The following ZNF385D variants were observed in gnomAD, a reference collection of about 807,000 sequenced individuals.
The protein encoded by ZNF385D is zinc finger protein 385D, also known as zinc finger protein 659.
A neutral mutation model predicts 35.8 loss-of-function variants in ZNF385D; 15 were observed. That is an observed-to-expected ratio of 0.42 (90% CI 0.28 to 0.64). The LOEUF (loss-of-function observed/expected upper bound fraction) is 0.64, where lower values mean the gene tolerates loss of function less well. ZNF385D is among the 30% of genes least tolerant of loss of function. The pLI is 0.23. For synonymous variants in ZNF385D, 212 were observed against 186.8 expected (o/e 1.13, Z -1.10); for missense variants, 474 against 494.6 (o/e 0.96, Z 0.39).
intron 2 of ZNF385D, among the ~76,000 whole-genome samples, chr3:22,347,395 A>G (rs1399187375): frequency 6.6e-6 from 1 of 152,194 alleles, no homozygotes; most frequent in African/African-American, 2.4e-5. Context: ...AACTGAAGTC[A>G]AAAGGTCTCT....
At chr3:22,133,491 C>T (rs766172171) in intron 3 of ZNF385D, 1 of 151,984 alleles carries the variant, frequency 6.6e-6, no homozygotes, top group African/African-American at 2.4e-5. Context: ...TGCTAGAATA[C>T]AGCATTATAA....
At chr3:22,017,026 T>A (rs1312518416) in intron 3 of ZNF385D, among the ~76,000 whole-genome samples, 1 of 152,090 alleles carries the variant, frequency 6.6e-6, no homozygotes, top group Non-Finnish European at 1.5e-5. Flanking sequence ...AATTTTTTAA[T>A]GTGCAGTAGT....
intron 3 of ZNF385D, among the ~76,000 whole-genome samples, chr3:22,158,993 G>C (rs1355284202): frequency 6.6e-6 from 1 of 152,016 alleles, no homozygotes; most frequent in Non-Finnish European, 1.5e-5. Flanking sequence ...AAGCAGAGGA[G>C]TGATTACTTT....
chr3:21,866,185 G>T (rs1697346760), intron 3 of ZNF385D, among the ~76,000 whole-genome samples: 1 of 151,994 alleles, frequency 6.6e-6, no homozygotes, highest in Non-Finnish European at 1.5e-5. Context: ...GGGCGCAGTG[G>T]CTCACGCCTA....
chr3:21,869,216 C>CT (rs2125843705), intron 3 of ZNF385D, among the ~76,000 whole-genome samples: 1 of 152,130 alleles, frequency 6.6e-6, no homozygotes, highest in African/African-American at 2.4e-5. Context: ...TCTTCCATGG[C>CT]TAATGTGTTG....
Position 21,717,750 on chromosome 3 carries a change from C to T in ZNF385D, c.22+33145G>A, listed in dbSNP as rs575617127. Reference sequence around the variant, plus strand: ...CCCTTTCACTTGGTTCTCATTCTCTCTTATCTGCCACCCTGTAAAACGTGC... The same window carrying T: ...CCCTTTCACTTGGTTCTCATTCTCTTTTATCTGCCACCCTGTAAAACGTGC... On this transcript the variant is annotated intron_variant, in intron 1 of 7. Coordinates refer to ENST00000281523, the MANE Select transcript of ZNF385D (RefSeq NM_024697.3). 2.6e-5 allele frequency among the ~76,000 whole-genome samples: 4 copies of T among 152,300 alleles called. No homozygotes were observed. The South Asian group carries it at 8.3e-4, about 32-fold the overall frequency.
chr3:21,561,060 C>T (rs764592870), intron 3 of ZNF385D, among the ~76,000 whole-genome samples: 6 of 152,188 alleles, frequency 3.9e-5, no homozygotes, highest in Non-Finnish European at 5.9e-5. Context: ...ATTTCAAGCC[C>T]GTGGATCTTA....
intron 3 of ZNF385D, among the ~76,000 whole-genome samples, chr3:22,031,405 A>G (rs779658260): frequency 3.3e-5 from 5 of 151,956 alleles, no homozygotes; most frequent in Admixed American, 3.3e-4. Flanking sequence ...GGTTCCCAAA[A>G]CCTCAGCTCT....
At chr3:22,045,152 G>C (rs998016016) in intron 3 of ZNF385D, among the ~76,000 whole-genome samples, 1 of 151,420 alleles carries the variant, frequency 6.6e-6, no homozygotes, top group African/African-American at 2.4e-5. Flanking sequence ...TGTGCCTTTT[G>C]GGTCATATTA....
chr3:22,088,285 T>A (rs992143897), intron 3 of ZNF385D, among the ~76,000 whole-genome samples: 6 of 152,148 alleles, frequency 3.9e-5, no homozygotes, highest in Non-Finnish European at 7.3e-5. Context: ...AAATATGTGA[T>A]AAAACATGAG....
At chr3:21,969,703 G>T (rs563216130) in intron 3 of ZNF385D, among the ~76,000 whole-genome samples, 1 of 151,930 alleles carries the variant, frequency 6.6e-6, no homozygotes, top group Non-Finnish European at 1.5e-5. Context: ...GGCTTTAAGT[G>T]AACACGGGCA....
At chr3:21,861,041 C>T (rs2125829755) in intron 3 of ZNF385D, among the ~76,000 whole-genome samples, 1 of 152,182 alleles carries the variant, frequency 6.6e-6, no homozygotes, top group Non-Finnish European at 1.5e-5. Flanking sequence ...AAATATACAG[C>T]ATAGAGCAGA....
chr3:21,893,576 C>G (rs1279113417), intron 3 of ZNF385D, among the ~76,000 whole-genome samples: 2 of 152,098 alleles, frequency 1.3e-5, no homozygotes, highest in Admixed American at 1.3e-4. Context: ...AATAATTTAG[C>G]TCATTGAATG....
chr3:22,137,124 G>A (rs1704182358), intron 3 of ZNF385D, among the ~76,000 whole-genome samples: 1 of 152,120 alleles, frequency 6.6e-6, no homozygotes, highest in South Asian at 2.1e-4. Flanking sequence ...TTGGGGAGCT[G>A]CGGTATATAA....
intron 2 of ZNF385D, among the ~76,000 whole-genome samples, chr3:22,248,247 G>A (rs913577954): frequency 6.6e-6 from 1 of 152,192 alleles, no homozygotes; most frequent in African/African-American, 2.4e-5. Context: ...AAGGCAGGTA[G>A]TGACCACATG....
chr3:22,234,928 G>A (rs559976681), intron 2 of ZNF385D, among the ~76,000 whole-genome samples: 28 of 151,946 alleles, frequency 1.8e-4, no homozygotes, highest in Non-Finnish European at 2.9e-5. Flanking sequence ...TATTTAGCCA[G>A]GCAAAATATC....
intron 3 of ZNF385D, among the ~76,000 whole-genome samples, chr3:21,560,586 A>G (rs1372723989): frequency 6.6e-6 from 1 of 152,158 alleles, no homozygotes; most frequent in African/African-American, 2.4e-5. Flanking sequence ...GTCGGCCCCT[A>G]CTGGGAGGTA....
At chr3:22,303,800 G>A (rs1368097818) in intron 2 of ZNF385D, among the ~76,000 whole-genome samples, 1 of 151,896 alleles carries the variant, frequency 6.6e-6, no homozygotes, top group Non-Finnish European at 1.5e-5. Context: ...TTTCTGAGAT[G>A]GAGTTTTGCT....
At chr3:21,473,777 G>C (rs1704051561) in intron 4 of ZNF385D, among the ~76,000 whole-genome samples, 3 of 151,928 alleles carry the variant, frequency 2.0e-5, no homozygotes, top group Non-Finnish European at 4.4e-5. Context: ...TTATATCTCT[G>C]TTCTTGACAT....
Sources: gnomAD v4.1 joint callset for allele counts (sites outside exome capture counted in the v4.1 genomes callset) on GRCh38, gnomAD v4.1.1 for gene constraint, MANE v1.5 for transcripts, NCBI Gene and HGNC (gene_info 2026-07-23, HGNC 2026-07-21) for gene names.